The following ADGRB3 variants were observed in gnomAD, a reference collection of about 807,000 sequenced individuals.
ADGRB3 encodes brain-specific angiogenesis inhibitor 3.
Under a neutral mutation model 193.4 loss-of-function variants are expected in ADGRB3, and 37 were observed. The observed-to-expected ratio is 0.19, with a 90% CI of 0.15 to 0.25. ADGRB3 has a LOEUF of 0.25. Ranked by LOEUF, ADGRB3 falls within the 10% of genes least tolerant of loss-of-function variation. ADGRB3 has a pLI of 1.00. For synonymous variants in ADGRB3, 690 were observed against 644.2 expected (o/e 1.07, Z -1.08); for missense variants, 1,637 against 1,852.9 (o/e 0.88, Z 2.14).
At position 69,279,071 on chromosome 6, in the gene ADGRB3, G is replaced by GTATA. The variant is rs57824884; in HGVS notation, c.2814+39891_2814+39894dup. Among the ~76,000 whole-genome samples, 40 of 71,364 alleles carry GTATA rather than the reference G, an allele frequency of 5.6e-4. 2 individuals carry two copies. Among genetic ancestry groups the GTATA allele is most frequent in the Admixed American group, 8.2e-4 (5 of 6,134 alleles). The allele number at this position is 71,364 out of a possible 152,430, so 46.8% of individuals were successfully genotyped here. On this transcript the variant is annotated intron_variant, in intron 20 of 31. Transcript: ENST00000370598. ...CTCATATGGCATATTAAATACATATGTATATATATATATATATATATATAT... is the reference window on the plus strand; with the variant it reads ...CTCATATGGCATATTAAATACATATGTATATATATATATATATATATATATATAT...
chr6:69,344,430 T>C (rs1438029403), intron 26 of ADGRB3, among the ~76,000 whole-genome samples: 6 of 152,196 alleles, frequency 3.9e-5, no homozygotes, highest in Admixed American at 3.3e-4. Context: ...TTTAGTCTTA[T>C]TATTTCCACA....
chr6:69,299,431 G>T (rs1365867392), intron 20 of ADGRB3, among the ~76,000 whole-genome samples: 3 of 151,542 alleles, frequency 2.0e-5, no homozygotes, highest in Non-Finnish European at 3.0e-5. Flanking sequence ...TTGTCTATTT[G>T]CCCTTACTTA....
chr6:69,280,653 C>T (rs1346574314), intron 20 of ADGRB3, among the ~76,000 whole-genome samples: 1 of 152,078 alleles, frequency 6.6e-6, no homozygotes, highest in South Asian at 2.1e-4. Context: ...AAGTGCCATC[C>T]AAATATTTTC....
At chr6:69,344,748 G>C (rs1313725197) in intron 26 of ADGRB3, among the ~76,000 whole-genome samples, 1 of 152,126 alleles carries the variant, frequency 6.6e-6, no homozygotes, top group Non-Finnish European at 1.5e-5. Context: ...AGCTGTTTTA[G>C]TTGGTCTTTG....
chr6:68,923,150 T>C (rs929644019), intron 3 of ADGRB3, among the ~76,000 whole-genome samples: 1 of 152,132 alleles, frequency 6.6e-6, no homozygotes, highest in African/African-American at 2.4e-5. Flanking sequence ...AAAGATACTA[T>C]TTTAAGTTAA....
chr6:69,033,064 T>A (rs985042838), intron 13 of ADGRB3, among the ~76,000 whole-genome samples: 3 of 152,210 alleles, frequency 2.0e-5, no homozygotes, highest in Non-Finnish European at 2.9e-5. Flanking sequence ...TCCTACATTT[T>A]AAAAAATATA....
intron 3 of ADGRB3, among the ~76,000 whole-genome samples, chr6:68,680,463 G>A (rs56399771): frequency 0.03 from 4,619 of 152,212 alleles, 119 homozygotes; most frequent in African/African-American, 0.066. Context: ...GCCCAGCTAT[G>A]CACTTTGGTA....
chr6:69,006,439 G>T (rs1769754382), intron 11 of ADGRB3, among the ~76,000 whole-genome samples: 1 of 151,754 alleles, frequency 6.6e-6, no homozygotes, highest in Non-Finnish European at 1.5e-5. Flanking sequence ...AACACTCTTT[G>T]GATTTTTACC....
At chr6:68,698,032 T>A (rs1582131169) in intron 3 of ADGRB3, among the ~76,000 whole-genome samples, 1 of 151,732 alleles carries the variant, frequency 6.6e-6, no homozygotes, top group East Asian at 1.9e-4. Flanking sequence ...GCTAGATAGA[T>A]GATAGATATT....
At chr6:69,360,801 CATAAT>C in intron 28 of ADGRB3, 63 bp from the exon 29 acceptor site, 1 of 1,435,010 alleles carries the variant, frequency 7.0e-7, no homozygotes, top group Non-Finnish European at 9.4e-7. Context: ...AGCGAGACAA[CATAAT>C]ATAATAATGA....
rs149429153 is a variant in ADGRB3, at chr6:69,200,674, T to C, written c.2481-32616T>C. Among the ~76,000 whole-genome samples the C allele has an allele frequency of 3.8e-3, 572 of 152,168 alleles. 8 individuals are homozygous for C. Among genetic ancestry groups the C allele is most frequent in the African/African-American group, 0.013 (548 of 41,536 alleles). ...TCTATGAAAGCCTCTGCAAGCCTTC[T>C]CAGCTGCATCTCCCTGGAGTCTCAC... is the stretch of plus-strand genomic sequence containing the variant. On this transcript the variant is annotated intron_variant, in intron 17 of 31. Transcript: ENST00000370598.
intron 3 of ADGRB3, among the ~76,000 whole-genome samples, chr6:68,710,240 G>A (rs1461034888): frequency 2.0e-5 from 3 of 152,112 alleles, no homozygotes; most frequent in African/African-American, 7.2e-5. Context: ...ATCATTCCCT[G>A]TAAGCCCTTT....
chr6:69,251,018 C>T (rs1345890642), intron 20 of ADGRB3, among the ~76,000 whole-genome samples: 3 of 152,190 alleles, frequency 2.0e-5, no homozygotes, highest in Non-Finnish European at 4.4e-5. Context: ...ATTTCTGTCA[C>T]ACTGGCCACC....
In ADGRB3 at chr6:69,027,271, G is replaced by A. The variant is rs529386961; in HGVS notation, c.2107+8772G>A. Among the ~76,000 whole-genome samples, 123 of 150,602 alleles carry A rather than the reference G, an allele frequency of 8.2e-4. 1 individual carries two copies. Among genetic ancestry groups the A allele is most frequent in the African/African-American group, 2.6e-3 (105 of 40,932 alleles). The stretch of plus-strand genomic sequence containing the variant: ...ATGAATTCACACATTAGCCTAGGCC[G>A]TACCCAGGGTCAGGATCATCAATGT... On this transcript the variant is annotated intron_variant, in intron 13 of 31. Transcript: ENST00000370598.
At chr6:69,194,097 T>C (rs1765251123) in intron 17 of ADGRB3, among the ~76,000 whole-genome samples, 1 of 152,090 alleles carries the variant, frequency 6.6e-6, no homozygotes, top group Non-Finnish European at 1.5e-5. Context: ...TTTCCTCTCT[T>C]ATTTCTCTAT....
chr6:69,181,738 C>T (rs2150351655), intron 17 of ADGRB3, among the ~76,000 whole-genome samples: 1 of 152,290 alleles, frequency 6.6e-6, no homozygotes, highest in African/African-American at 2.4e-5. Context: ...TATTTGGAAA[C>T]TGCTTTTATG....
intron 10 of ADGRB3, among the ~76,000 whole-genome samples, chr6:68,978,672 A>G (rs1445032726): frequency 1.3e-5 from 2 of 151,524 alleles, no homozygotes; most frequent in Non-Finnish European, 3.0e-5. Flanking sequence ...TTGTCTAAGT[A>G]GCAAAACTGG....
intron 8 of ADGRB3, among the ~76,000 whole-genome samples, chr6:68,971,354 A>G (rs1259962362): frequency 6.6e-6 from 1 of 152,214 alleles, no homozygotes; most frequent in African/African-American, 2.4e-5. Flanking sequence ...TGTGTCTACT[A>G]AAATCCTGTC....
chr6:69,013,394 T>C (rs557729453), intron 11 of ADGRB3, among the ~76,000 whole-genome samples: 1 of 152,138 alleles, frequency 6.6e-6, no homozygotes, highest in Non-Finnish European at 1.5e-5. Flanking sequence ...GGATGTTATA[T>C]GTCTATTCAT....
Sources: gnomAD v4.1 joint callset for allele counts (sites outside exome capture counted in the v4.1 genomes callset) on GRCh38, gnomAD v4.1.1 for gene constraint, MANE v1.5 for transcripts, NCBI Gene and HGNC (gene_info 2026-07-23, HGNC 2026-07-21) for gene names.